ZMYND8: variants seen among roughly 807,000 people sequenced by gnomAD.
The protein encoded by ZMYND8 is zinc finger MYND-type containing 8.
ZMYND8 carries 37 observed loss-of-function variants against 140.8 expected under a neutral mutation model. The ratio of observed to expected loss-of-function variants is 0.26; its 90% CI spans 0.20 to 0.35. The LOEUF is 0.35. Ranked by LOEUF, ZMYND8 falls within the 10% of genes least tolerant of loss-of-function variation. ZMYND8 has a pLI of 1.00. For missense variants in ZMYND8, 1,068 were observed against 1,570.0 expected (o/e 0.68, Z 5.40); for synonymous variants, 592 against 597.1 (o/e 0.99, Z 0.12).
chr20:47,216,081 G>A (rs1042928945), intron 21 of ZMYND8, among the ~76,000 whole-genome samples: 2 of 152,342 alleles, frequency 1.3e-5, no homozygotes, highest in East Asian at 3.9e-4. Flanking sequence ...GAGCAGCCCT[G>A]AGCGCCCAGG....
chr20:47,348,235 C>A, intron 1 of ZMYND8: 1 of 376,238 alleles, frequency 2.7e-6, no homozygotes, highest in South Asian at 2.5e-5. Flanking sequence ...CAATGAGAAC[C>A]CAGCCTTCAA....
chr20:47,272,367 G>A (rs1352252471), intron 11 of ZMYND8, among the ~76,000 whole-genome samples: 14 of 152,218 alleles, frequency 9.2e-5, no homozygotes, highest in South Asian at 4.1e-4. Context: ...GTGAACCACC[G>A]CACCCGGACC....
At position 47,322,206 on chromosome 20, in the gene ZMYND8, C is replaced by T. The variant is rs569124749; in HGVS notation, c.86-12002G>A. 2.0e-5 allele frequency among the ~76,000 whole-genome samples: 3 copies of T among 152,082 alleles called. No homozygotes were observed. The South Asian group carries it at 6.2e-4, about 32-fold the overall frequency. ...TAATGAAAGCCCAGAGAAAACCAGG[C>T]CCATGGTAAAGCGGCTATTAAGTAC... On this transcript the variant is annotated intron_variant, in intron 2 of 22. Transcript: ENST00000471951.
chr20:47,289,943 C>A (rs377750750), intron 7 of ZMYND8, among the ~76,000 whole-genome samples: 2 of 152,122 alleles, frequency 1.3e-5, no homozygotes, highest in African/African-American at 4.8e-5. Flanking sequence ...ATTATACTTC[C>A]ATTAAAATAA....
In ZMYND8 at chr20:47,262,363, G is replaced by C; in HGVS notation, c.1546C>G (p.Pro516Ala). 3.7e-6 allele frequency: 6 copies of C among 1,614,096 alleles called. No homozygotes were observed. Among genetic ancestry groups the C allele is most frequent in the Non-Finnish European group, 5.1e-6 (6 of 1,180,026 alleles). Residue 516 changes from proline to alanine, a missense_variant, in exon 12 of 23, where the codon CCT (proline) becomes GCT (alanine). Pro to Ala is a conservative substitution (Grantham distance 27, BLOSUM62 -1). Around this residue, in one of 10 missense-constraint regions of ZMYND8, gnomAD observed 173 missense variants for 223.3 expected, o/e 0.77. Coordinates refer to ENST00000471951, the MANE Select transcript of ZMYND8 (RefSeq NM_001281775.3). ...SLSGSPKPFS[P>A]QLSAPITTKT... ...GTCGTGATAGGAGCTGACAGTTGAG[G>C]AGAGAAGGGCTTTGGGCTGCCGGAT...
Position 47,342,814 on chromosome 20 carries a change from T to C in ZMYND8, c.85+5042A>G, listed in dbSNP as rs532603582. 2.5e-4 allele frequency among the ~76,000 whole-genome samples: 33 copies of C among 134,312 alleles called. 1 individual carries two copies. In the South Asian group the frequency reaches 6.9e-3, roughly 28 times the overall value. 88.1% of individuals were successfully genotyped at this position (134,312 alleles called of 152,430 possible). A position where few individuals can be genotyped will look rare whatever the true frequency, so the allele number is the denominator to read the frequency against. ...GTAAGCTGAGATCACACCACCGCAC[T>C]CCAGCCTCGGCAACAGAGCAAGACT... On this transcript the variant is annotated intron_variant, in intron 2 of 22. Transcript: ENST00000471951.
rs977196672 is a variant in ZMYND8, at chr20:47,350,008, C to T, written c.15-2082G>A. The T allele has an allele frequency of 2.7e-5, 41 of 1,491,920 alleles. 1 individual carries two copies. The highest frequency in any genetic ancestry group is 3.5e-5 in the Non-Finnish European group (39 of 1,125,160). The allele number at this position is 1,491,920 out of a possible 1,614,324, so 92.4% of individuals were successfully genotyped here. Reference sequence around the variant, plus strand: ...ATGCTGCTGAGAGACGAGGAAAATGCAAACTAGTTATGTGGTGGCTATTTG... The same window carrying T: ...ATGCTGCTGAGAGACGAGGAAAATGTAAACTAGTTATGTGGTGGCTATTTG... On this transcript the variant is annotated intron_variant, in intron 1 of 22. Coordinates refer to ENST00000471951, the MANE Select transcript of ZMYND8 (RefSeq NM_001281775.3).
At chr20:47,333,166 G>A (rs1027639053) in intron 2 of ZMYND8, among the ~76,000 whole-genome samples, 1 of 152,006 alleles carries the variant, frequency 6.6e-6, no homozygotes, top group East Asian at 1.9e-4. Flanking sequence ...AGGCAACACA[G>A]TGAGACCCCT....
chr20:47,227,139 C>T, intron 18 of ZMYND8, 64 bp downstream of exon 18: 1 of 1,537,810 alleles, frequency 6.5e-7, no homozygotes, highest in East Asian at 2.3e-5. Flanking sequence ...GGCTTGACTC[C>T]AGAGGTGCAA....
At chr20:47,354,532 C>T (rs1470488033) in intron 1 of ZMYND8, 3 of 152,156 alleles carry the variant, frequency 2.0e-5, no homozygotes, top group Admixed American at 6.5e-5. Flanking sequence ...CAGTTTTACT[C>T]TAAGAAGCTA....
chr20:47,261,624 T>A (rs532644589), intron 12 of ZMYND8, among the ~76,000 whole-genome samples: 2 of 152,100 alleles, frequency 1.3e-5, no homozygotes, highest in South Asian at 2.1e-4. Context: ...GTGTAAGAAT[T>A]AGAAGAAGAG....
In ZMYND8 at chr20:47,281,189, T is replaced by C. The variant is rs1332996020; in HGVS notation, c.998+913A>G. Reference sequence around the variant, plus strand: ...CAGCACCATCTCAATAATTTCCATTTTGTCTTCTGACAGTGGACCATTGGG... The same window carrying C: ...CAGCACCATCTCAATAATTTCCATTCTGTCTTCTGACAGTGGACCATTGGG... On this transcript the variant is annotated intron_variant, in intron 10 of 22. Coordinates refer to ENST00000471951, the MANE Select transcript of ZMYND8 (RefSeq NM_001281775.3). Among the ~76,000 whole-genome samples, 3 of 152,360 alleles carry C rather than the reference T, an allele frequency of 2.0e-5. No individual in the cohort carries two copies. The South Asian group carries it at 6.2e-4, about 32-fold the overall frequency.
chr20:47,260,814 G>A (rs1410834203), intron 12 of ZMYND8, among the ~76,000 whole-genome samples: 3 of 152,202 alleles, frequency 2.0e-5, no homozygotes, highest in Non-Finnish European at 2.9e-5. Flanking sequence ...CTCTACAAGA[G>A]CAGGTCCTTA....
At chr20:47,315,288 G>A (rs1012442703) in intron 2 of ZMYND8, among the ~76,000 whole-genome samples, 1 of 152,144 alleles carries the variant, frequency 6.6e-6, no homozygotes, top group Non-Finnish European at 1.5e-5. Flanking sequence ...AAACCTTCTA[G>A]TTTCAGCAAA....
chr20:47,326,548 G>A (rs145530318), intron 2 of ZMYND8, among the ~76,000 whole-genome samples: 1 of 152,292 alleles, frequency 6.6e-6, no homozygotes, highest in East Asian at 1.9e-4. Context: ...CAAATCTTCA[G>A]TCTTGGTTCT....
At chr20:47,288,477 T>A (rs748297085) in intron 7 of ZMYND8, among the ~76,000 whole-genome samples, 49 of 143,138 alleles carry the variant, frequency 3.4e-4, no homozygotes, top group Non-Finnish European at 5.8e-4. Flanking sequence ...CACTGCAACC[T>A]CTGCCTCCTG....
intron 12 of ZMYND8, among the ~76,000 whole-genome samples, chr20:47,255,753 TATATATATATAC>T (rs1202224026): frequency 9.3e-5 from 10 of 107,662 alleles, no homozygotes; most frequent in African/African-American, 3.9e-4. Context: ...TATATATATA[TATATATATATAC>T]GGTATATATA....
chr20:47,278,269 C>T lies in ZMYND8; in HGVS notation c.999-1474G>A, dbSNP rs916872012. 4.6e-5 allele frequency among the ~76,000 whole-genome samples: 7 copies of T among 152,194 alleles called. No homozygotes were observed. The South Asian group carries it at 8.3e-4, about 18-fold the overall frequency. On this transcript the variant is annotated intron_variant, in intron 10 of 22. Transcript: ENST00000471951. Reference sequence around the variant, plus strand: ...AAGAGCTGGGATTATAGGTGTGAGCCGCTGCACCCAACCTCCAAGGTGGCC... The same window carrying T: ...AAGAGCTGGGATTATAGGTGTGAGCTGCTGCACCCAACCTCCAAGGTGGCC...
chr20:47,265,061 T>C (rs977688327), intron 11 of ZMYND8, among the ~76,000 whole-genome samples: 1 of 148,258 alleles, frequency 6.7e-6, no homozygotes, highest in Non-Finnish European at 1.5e-5. Flanking sequence ...TACATATATA[T>C]ATATATAGGC....
Sources: gnomAD v4.1 joint callset for allele counts (sites outside exome capture counted in the v4.1 genomes callset) on GRCh38, gnomAD v4.1.1 for gene constraint, gnomAD v4.1.1 regional missense constraint, MANE v1.5 for transcripts, NCBI Gene and HGNC (gene_info 2026-07-23, HGNC 2026-07-21) for gene names.